PTPRD: variants seen among roughly 807,000 people sequenced by gnomAD.
PTPRD encodes protein tyrosine phosphatase receptor type D.
In PTPRD, 34 loss-of-function variants were observed where a neutral mutation model predicts 214.5. The observed-to-expected ratio is 0.16, with a 90% CI of 0.12 to 0.21. The LOEUF is 0.21. PTPRD is among the 10% of genes least tolerant of loss of function. The pLI, the probability that PTPRD is intolerant of heterozygous loss-of-function variation, is 1.00. For missense variants in PTPRD, 2,545 were observed against 2,398.7 expected (o/e 1.06, Z -1.27); for synonymous variants, 1,128 against 845.7 (o/e 1.33, Z -5.79).
At chr9:8,710,181 A>G (rs1356763146) in intron 12 of PTPRD, among the ~76,000 whole-genome samples, 1 of 152,202 alleles carries the variant, frequency 6.6e-6, no homozygotes, top group Admixed American at 6.5e-5. Flanking sequence ...ATAGTGGACC[A>G]TATATGCTCC....
At chr9:8,332,900 C>T (rs1842867566) in intron 43 of PTPRD, among the ~76,000 whole-genome samples, 1 of 152,188 alleles carries the variant, frequency 6.6e-6, no homozygotes, top group South Asian at 2.1e-4. Context: ...TCTGTTAACA[C>T]ATTATTTCCT....
chr9:10,014,101 A>G (rs975956008), intron 4 of PTPRD, among the ~76,000 whole-genome samples: 2 of 152,122 alleles, frequency 1.3e-5, no homozygotes, highest in Non-Finnish European at 2.9e-5. Context: ...GAAAAATGGT[A>G]TCGTAAAAGA....
chr9:8,772,599 C>A (rs115848079), intron 11 of PTPRD, among the ~76,000 whole-genome samples: 1 of 151,812 alleles, frequency 6.6e-6, no homozygotes, highest in Non-Finnish European at 1.5e-5. Flanking sequence ...GCTATGACTA[C>A]GCCACTGCAA....
intron 11 of PTPRD, among the ~76,000 whole-genome samples, chr9:8,774,782 C>T (rs2095402355): frequency 6.6e-6 from 1 of 152,032 alleles, no homozygotes; most frequent in Admixed American, 6.6e-5. Context: ...GATCCCCCCG[C>T]CTCGGCCTCC....
intron 2 of PTPRD, among the ~76,000 whole-genome samples, chr9:10,405,208 C>G (rs1412655425): frequency 6.6e-6 from 1 of 151,618 alleles, no homozygotes; most frequent in Non-Finnish European, 1.5e-5. Flanking sequence ...TGTCAAAATG[C>G]CAGACCATTA....
intron 12 of PTPRD, among the ~76,000 whole-genome samples, chr9:8,675,000 T>C (rs1221892289): frequency 5.9e-5 from 9 of 152,056 alleles, no homozygotes; most frequent in African/African-American, 2.2e-4. Context: ...ATAACCAGGG[T>C]ATATTTTTTT....
At chr9:9,913,832 C>T (rs2079910909) in intron 5 of PTPRD, among the ~76,000 whole-genome samples, 1 of 152,130 alleles carries the variant, frequency 6.6e-6, no homozygotes, top group Admixed American at 6.6e-5. Flanking sequence ...CTCCACCTCC[C>T]ACCTCCCATT....
chr9:9,911,951 T>A (rs796398614), intron 5 of PTPRD, among the ~76,000 whole-genome samples: 4 of 152,130 alleles, frequency 2.6e-5, no homozygotes, highest in Non-Finnish European at 4.4e-5. Context: ...AACCAGCTTA[T>A]ACTACCATAA....
intron 21 of PTPRD, among the ~76,000 whole-genome samples, chr9:8,517,152 G>A (rs964492711): frequency 8.0e-5 from 12 of 150,258 alleles, no homozygotes; most frequent in African/African-American, 2.9e-4. Context: ...TTAGCCCAAA[G>A]CCAAACTGAT....
intron 2 of PTPRD, among the ~76,000 whole-genome samples, chr9:10,356,510 T>A (rs1207714593): frequency 6.6e-6 from 1 of 152,136 alleles, no homozygotes; most frequent in African/African-American, 2.4e-5. Context: ...TAAAACTATA[T>A]AGGCACTTAA....
chr9:9,218,714 T>C (rs908421741), intron 9 of PTPRD, among the ~76,000 whole-genome samples: 1 of 152,078 alleles, frequency 6.6e-6, no homozygotes, highest in African/African-American at 2.4e-5. Flanking sequence ...TCTGGGACTT[T>C]TGTGTGTGGT....
At chr9:8,523,408 C>A in intron 19 of PTPRD, 105 bp downstream of exon 19, 1 of 1,370,922 alleles carries the variant, frequency 7.3e-7, no homozygotes, top group Admixed American at 1.9e-5. Flanking sequence ...ATACCATTAA[C>A]CAAAAGAAGA....
intron 7 of PTPRD, among the ~76,000 whole-genome samples, chr9:9,668,551 G>A (rs1050864536): frequency 1.3e-5 from 2 of 151,840 alleles, no homozygotes; most frequent in Non-Finnish European, 2.9e-5. Flanking sequence ...TTTTCCCACT[G>A]AAATTATAAA....
At chr9:10,295,693 G>T (rs1222305775) in intron 3 of PTPRD, among the ~76,000 whole-genome samples, 1 of 152,014 alleles carries the variant, frequency 6.6e-6, no homozygotes, top group Non-Finnish European at 1.5e-5. Context: ...CATGGCAAAA[G>T]GAATTCTTCA....
At chr9:9,109,780 T>C (rs10816046) in intron 10 of PTPRD, among the ~76,000 whole-genome samples, 19,100 of 152,130 alleles carry the variant, frequency 0.13, 1,466 homozygotes, top group East Asian at 0.22. Context: ...ATATCAACAT[T>C]TATTTTCTTT....
At chr9:10,045,258 T>A (rs2097367736) in intron 3 of PTPRD, among the ~76,000 whole-genome samples, 1 of 151,756 alleles carries the variant, frequency 6.6e-6, no homozygotes, top group Non-Finnish European at 1.5e-5. Flanking sequence ...AAAATAATAT[T>A]TTTTTGGAAA....
intron 3 of PTPRD, among the ~76,000 whole-genome samples, chr9:10,047,062 T>C (rs2097413794): frequency 6.6e-6 from 1 of 151,978 alleles, no homozygotes; most frequent in African/African-American, 2.4e-5. Context: ...TTCTATCTTG[T>C]ATGACAAAGA....
intron 3 of PTPRD, among the ~76,000 whole-genome samples, chr9:10,061,169 C>G (rs747309386): frequency 5.3e-4 from 81 of 151,852 alleles, no homozygotes; most frequent in Non-Finnish European, 1.0e-3. Context: ...ATTTAAGTTA[C>G]TCTCCACTGC....
chr9:9,983,839 T>C (rs2095621294), intron 4 of PTPRD, among the ~76,000 whole-genome samples: 1 of 152,206 alleles, frequency 6.6e-6, no homozygotes, highest in African/African-American at 2.4e-5. Flanking sequence ...GTAACAACTC[T>C]AATCTTTGGA....
Sources: allele counts gnomAD v4.1 joint callset (sites outside exome capture counted in the v4.1 genomes callset), GRCh38; gene constraint gnomAD v4.1.1; transcripts MANE v1.5; gene names NCBI Gene and HGNC (gene_info 2026-07-23, HGNC 2026-07-21).